Variants in ABCA1 observed in about 807,000 individuals in gnomAD.
ABCA1 encodes phospholipid-transporting ATPase ABCA1.
A neutral mutation model predicts 262.5 loss-of-function variants in ABCA1; 133 were observed. That is an observed-to-expected ratio of 0.51 (90% CI 0.44 to 0.59). The LOEUF is 0.59. Ranked by LOEUF, ABCA1 falls within the 20% of genes least tolerant of loss-of-function variation. The probability of loss-of-function intolerance (pLI) is 0.00; values close to 1 mark genes in which losing one functional copy is unlikely to be tolerated. For synonymous variants in ABCA1, 1,022 were observed against 1,043.5 expected (o/e 0.98, Z 0.40); for missense variants, 2,452 against 2,777.5 (o/e 0.88, Z 2.63).
rs757016943 is a variant in ABCA1, at chr9:104,832,732, G to C, written c.1351C>G (p.Gln451Glu). Residue 451 changes from glutamine (Q) to glutamate (E), a missense_variant, in exon 12 of 50, where the codon CAG (glutamine) becomes GAG (glutamate). Transcript: ENST00000374736. ...GTCCAATCTAAGCCATCCAACTGCTGTTCCCAAAAGTGGTCATTGTCCCTG... is the reference window on the plus strand; with the variant it reads ...GTCCAATCTAAGCCATCCAACTGCTCTTCCCAAAAGTGGTCATTGTCCCTG... Reference protein sequence around the residue: ...DSRDNDHFWEQQLDGLDWTAQ... With the variant: ...DSRDNDHFWEEQLDGLDWTAQ... 2 of 1,614,220 alleles carry C rather than the reference G, an allele frequency of 1.2e-6. No individual in the cohort carries two copies. The highest frequency in any genetic ancestry group is 1.1e-5 in the South Asian group (1 of 91,090).
intron 27 of ABCA1, 105 bp from the exon 28 acceptor site, chr9:104,812,827 T>A (rs1283285604): frequency 6.9e-7 from 1 of 1,452,698 alleles, no homozygotes; most frequent in East Asian, 2.3e-5. Context: ...GGCATGTGTC[T>A]GAAGCTAGAA....
chr9:104,878,824 C>T (rs981563247), intron 5 of ABCA1, among the ~76,000 whole-genome samples: 3 of 152,142 alleles, frequency 2.0e-5, no homozygotes, highest in African/African-American at 7.2e-5. Flanking sequence ...GAGTAGAGAT[C>T]CCCATATCTA....
At chr9:104,825,246 T>C (rs1832718055) in intron 17 of ABCA1, among the ~76,000 whole-genome samples, 1 of 152,158 alleles carries the variant, frequency 6.6e-6, no homozygotes. Flanking sequence ...AAATACAGAA[T>C]TGGGTGAGCA....
chr9:104,913,812 T>C (rs1363619473), intron 1 of ABCA1, among the ~76,000 whole-genome samples: 3 of 152,176 alleles, frequency 2.0e-5, no homozygotes, highest in East Asian at 1.9e-4. Flanking sequence ...TATTTATTTA[T>C]TTAGATGGAG....
chr9:104,813,934 T>C (rs1012364155), intron 27 of ABCA1, among the ~76,000 whole-genome samples, 184 bp downstream of exon 27: 6 of 152,262 alleles, frequency 3.9e-5, no homozygotes, highest in Non-Finnish European at 7.3e-5. Flanking sequence ...ATAGGCTCTT[T>C]CAGGTTTGAT....
intron 8 of ABCA1, among the ~76,000 whole-genome samples, chr9:104,845,193 T>C (rs1330805452): frequency 2.6e-5 from 4 of 152,198 alleles, no homozygotes; most frequent in African/African-American, 9.6e-5. Flanking sequence ...TCTTTACAAA[T>C]GTATGATTAC....
chr9:104,821,740 A>G (rs1035602882), intron 19 of ABCA1, among the ~76,000 whole-genome samples: 1 of 152,228 alleles, frequency 6.6e-6, no homozygotes, highest in African/African-American at 2.4e-5. Flanking sequence ...TTTTAAACGA[A>G]GTTTCCAATC....
chr9:104,796,023 C>T (rs1463318582), intron 39 of ABCA1, 30 bp downstream of exon 39: 1 of 1,611,984 alleles, frequency 6.2e-7, no homozygotes. Context: ...ATGCTCATCC[C>T]AGCAGGAGTG....
At position 104,831,069 on chromosome 9, in the gene ABCA1, A is replaced by G. The variant is rs1330881375; in HGVS notation, c.1748T>C (p.Phe583Ser). 4 of 1,613,498 alleles carry G rather than the reference A, an allele frequency of 2.5e-6. No homozygotes were observed. Among genetic ancestry groups the G allele is most frequent in the Non-Finnish European group, 2.5e-6 (3 of 1,179,924 alleles). Reference protein sequence around the residue: ...YWDPGPRADPFEDMRYVWGGF... With the variant: ...YWDPGPRADPSEDMRYVWGGF... Reference sequence around the variant, plus strand: ...CCCCCAGACGTACCGCATGTCCTCAAAGGGGTCAGCTCGAGGACCAGGGTC... The same window carrying G: ...CCCCCAGACGTACCGCATGTCCTCAGAGGGGTCAGCTCGAGGACCAGGGTC... The change falls in exon 14 of 50, where the codon TTT (phenylalanine) becomes TCT (serine). Residue 583 changes from phenylalanine (F) to serine (S), a missense_variant. Coordinates refer to ENST00000374736, the MANE Select transcript of ABCA1 (RefSeq NM_005502.4).
chr9:104,876,747 TAAG>T (rs1838199801), intron 5 of ABCA1, among the ~76,000 whole-genome samples: 1 of 152,266 alleles, frequency 6.6e-6, no homozygotes, highest in African/African-American at 2.4e-5. Context: ...TCAGCCCACC[TAAG>T]AATGCCAGAT....
rs534913459 is a variant in ABCA1 at position 104,832,220 on chromosome 9, G to A, written c.1509+354C>T. ...AAATTTCAAAAATTTAATTGGACCC[G>A]AATTCGATTTTAGATAAGTTTCACA... is the stretch of plus-strand genomic sequence containing the variant. On this transcript the variant is annotated intron_variant, in intron 12 of 49. Coordinates refer to ENST00000374736, the MANE Select transcript of ABCA1 (RefSeq NM_005502.4). Among the ~76,000 whole-genome samples the A allele has an allele frequency of 1.1e-4, 17 of 152,126 alleles. No homozygotes were observed. In the East Asian group the frequency reaches 1.4e-3, roughly 12 times the overall value.
At chr9:104,803,697 T>C (rs987755642) in intron 32 of ABCA1, among the ~76,000 whole-genome samples, 1 of 152,022 alleles carries the variant, frequency 6.6e-6, no homozygotes, top group East Asian at 1.9e-4. Context: ...AACCTCCGCC[T>C]CCCAGATTCA....
rs118065276 is a variant in ABCA1 at position 104,791,284 on chromosome 9, C to A, written c.5821-256G>T. 6.0e-4 allele frequency among the ~76,000 whole-genome samples: 91 copies of A among 152,208 alleles called. No homozygotes were observed. In the East Asian group the frequency reaches 0.016, roughly 27 times the overall value. On this transcript the variant is annotated intron_variant, in intron 43 of 49. Transcript: ENST00000374736. Reference sequence around the variant, plus strand: ...AATGTGTGAAAAACAGTAATGAAAGCCAGCTAGCCAAATTGCACCACCTAC... The same window carrying A: ...AATGTGTGAAAAACAGTAATGAAAGACAGCTAGCCAAATTGCACCACCTAC...
chr9:104,840,795 T>G (rs924091654), intron 8 of ABCA1, among the ~76,000 whole-genome samples: 24 of 152,152 alleles, frequency 1.6e-4, no homozygotes, highest in African/African-American at 5.5e-4. Flanking sequence ...CCTGCAGAAT[T>G]CAAATCTACA....
chr9:104,909,887 G>A (rs953137261), intron 1 of ABCA1, among the ~76,000 whole-genome samples: 1 of 152,146 alleles, frequency 6.6e-6, no homozygotes, highest in Non-Finnish European at 1.5e-5. Context: ...AGAAAAACAG[G>A]AACTCCTTCC....
At chr9:104,836,338 G>A (rs115905886) in intron 11 of ABCA1, among the ~76,000 whole-genome samples, 2,479 of 152,234 alleles carry the variant, frequency 0.016, 44 homozygotes, top group African/African-American at 0.042. Context: ...CCCTCACCAT[G>A]GAAACAGGAA....
chr9:104,856,863 A>G (rs1265226856), intron 7 of ABCA1, among the ~76,000 whole-genome samples: 1 of 152,232 alleles, frequency 6.6e-6, no homozygotes, highest in Non-Finnish European at 1.5e-5. Context: ...GTTTTGTACC[A>G]TTCATAATAA....
intron 2 of ABCA1, among the ~76,000 whole-genome samples, chr9:104,892,521 C>T (rs1839835385): frequency 6.6e-6 from 1 of 152,090 alleles, no homozygotes; most frequent in Admixed American, 6.6e-5. Flanking sequence ...TCCCTCATCT[C>T]AATTTCCCCA....
At position 104,862,649 on chromosome 9, in the gene ABCA1, C is replaced by CGCCGGGCAGGGCCGGGCAGGGCA. The variant is rs1836584932; in HGVS notation, c.422-850_422-849insTGCCCTGCCCGGCCCTGCCCGGC. The stretch of plus-strand genomic sequence containing the variant: ...TGCAGACTGCCGGGCCGGGCCGGGC[C>CGCCGGGCAGGGCCGGGCAGGGCA]GGGCCGGGCCGGGCCGGGCCGGGCC... On this transcript the variant is annotated intron_variant, in intron 5 of 49. Transcript: ENST00000374736. 1.2e-3 allele frequency among the ~76,000 whole-genome samples: 14 copies of CGCCGGGCAGGGCCGGGCAGGGCA among 11,692 alleles called. 4 individuals are homozygous for CGCCGGGCAGGGCCGGGCAGGGCA. The highest frequency in any genetic ancestry group is 3.3e-3 in the East Asian group (1 of 306). The allele number at this position is 11,692 out of a possible 152,430, so 7.7% of individuals were successfully genotyped here.
Sources: allele counts gnomAD v4.1 joint callset (sites outside exome capture counted in the v4.1 genomes callset), GRCh38; gene constraint gnomAD v4.1.1; transcripts MANE v1.5; gene names NCBI Gene and HGNC (gene_info 2026-07-23, HGNC 2026-07-21).